The following DIS3L2 variants were observed in gnomAD, a reference collection of about 807,000 sequenced individuals.
DIS3L2 encodes DIS3 like 3'-5' exoribonuclease 2.
DIS3L2 carries 34 observed loss-of-function variants against 97.5 expected under a neutral mutation model. That is an observed-to-expected ratio of 0.35 (90% CI 0.27 to 0.46). The LOEUF is 0.46. Ranked by LOEUF, DIS3L2 falls within the 20% of genes least tolerant of loss-of-function variation. The pLI is 1.00. For missense variants in DIS3L2, 1,038 were observed against 1,146.0 expected (o/e 0.91, Z 1.36); for synonymous variants, 435 against 445.2 (o/e 0.98, Z 0.29).
chr2:232,048,282 G>A (rs911297209), intron 5 of DIS3L2, among the ~76,000 whole-genome samples: 7 of 152,090 alleles, frequency 4.6e-5, no homozygotes, highest in African/African-American at 1.2e-4. Flanking sequence ...TGTTGCTCCC[G>A]TTTCTTTTCA....
chr2:232,137,037 A>G (rs1045804576), intron 8 of DIS3L2, among the ~76,000 whole-genome samples: 6 of 152,200 alleles, frequency 3.9e-5, no homozygotes, highest in Non-Finnish European at 5.9e-5. Context: ...CATTGCATCA[A>G]ACAACCAGTC....
rs192387730 is a variant in DIS3L2 at position 232,010,283 on chromosome 2, A to C, written c.-93-4552A>C. ...TCCCCTGCCCCCTCCCTTTCTCTCTATCTTTCATCTCTGTGTGTCTCCCTG... is the reference window on the plus strand; with the variant it reads ...TCCCCTGCCCCCTCCCTTTCTCTCTCTCTTTCATCTCTGTGTGTCTCCCTG... On this transcript the variant is annotated intron_variant, in intron 1 of 20. Coordinates refer to ENST00000325385, the MANE Select transcript of DIS3L2 (RefSeq NM_152383.5). Among the ~76,000 whole-genome samples the C allele has an allele frequency of 3.4e-3, 511 of 151,204 alleles. 2 individuals carry two copies. The highest frequency in any genetic ancestry group is 6.8e-3 in the Admixed American group (104 of 15,200).
rs1696702132 is a variant in DIS3L2 at position 232,087,596 on chromosome 2, A to G, written c.476A>G (p.Asn159Ser). 6.2e-7 allele frequency: 1 copy of G among 1,614,042 alleles called. No homozygotes were observed. The highest frequency in any genetic ancestry group is 8.5e-7 in the Non-Finnish European group (1 of 1,180,034). The change falls in exon 6 of 21, where the codon AAT becomes AGT. Residue 159 changes from asparagine (N) to serine (S), a missense_variant. Physicochemically the swap from Asn to Ser is conservative, Grantham distance 46. Coordinates refer to ENST00000325385, the MANE Select transcript of DIS3L2 (RefSeq NM_152383.5). ...HLPQQSLKSYNDSPDVIVEAQ... is the reference protein window; with the variant it reads ...HLPQQSLKSYSDSPDVIVEAQ... The stretch of plus-strand genomic sequence containing the variant: ...CCGCAACAGTCCCTGAAAAGCTATA[A>G]TGACAGTCCTGATGTCATTGTAGAG...
chr2:232,240,277 G>T (rs1172389417), intron 11 of DIS3L2, among the ~76,000 whole-genome samples: 2 of 152,186 alleles, frequency 1.3e-5, no homozygotes, highest in Non-Finnish European at 2.9e-5. Context: ...TTGTACAGCC[G>T]ATTTCTTCAG....
chr2:232,258,064 C>G (rs1463773294), intron 12 of DIS3L2, among the ~76,000 whole-genome samples: 2 of 152,198 alleles, frequency 1.3e-5, no homozygotes, highest in Non-Finnish European at 2.9e-5. Flanking sequence ...TAAGAATACT[C>G]CGAGTGTTAG....
intron 5 of DIS3L2, among the ~76,000 whole-genome samples, chr2:232,080,315 G>A (rs1422872347): frequency 6.6e-6 from 1 of 152,120 alleles, no homozygotes; most frequent in Non-Finnish European, 1.5e-5. Context: ...TGTTTGAGAT[G>A]TCATCTGGGC....
chr2:232,276,849 C>T lies in DIS3L2; in HGVS notation c.1659+13409C>T, dbSNP rs1694155089. Among the ~76,000 whole-genome samples, 1 of 152,138 alleles carries T rather than the reference C, an allele frequency of 6.6e-6. No individual in the cohort carries two copies. Among genetic ancestry groups the T allele is most frequent in the Non-Finnish European group, 1.5e-5 (1 of 68,040 alleles). On this transcript the variant is annotated intron_variant, in intron 13 of 20. Coordinates refer to ENST00000325385, the MANE Select transcript of DIS3L2 (RefSeq NM_152383.5). The surrounding 1 kb of genome is among the most constrained non-coding windows in gnomAD (Gnocchi z 4.4). ...AATATTAGGTTAGATGAGATGTACC[C>T]GTAAAACACTTGGAACAGTGCCTGA...
chr2:232,229,883 AAAG>A (rs977563751), intron 10 of DIS3L2, among the ~76,000 whole-genome samples: 17 of 152,168 alleles, frequency 1.1e-4, no homozygotes, highest in African/African-American at 3.4e-4. Context: ...AAAGAGGAAA[AAAG>A]AAGAAGAAAA....
chr2:232,137,609 A>G (rs1559668339), intron 8 of DIS3L2, among the ~76,000 whole-genome samples: 1 of 152,218 alleles, frequency 6.6e-6, no homozygotes, highest in Non-Finnish European at 1.5e-5. Context: ...ATGGATGGCT[A>G]CAATGTGCTG....
At chr2:232,106,239 C>T (rs1038231032) in intron 6 of DIS3L2, among the ~76,000 whole-genome samples, 1 of 152,178 alleles carries the variant, frequency 6.6e-6, no homozygotes, top group Non-Finnish European at 1.5e-5. Context: ...TCGGGTCCTA[C>T]AAGATCATGT....
chr2:232,156,493 G>A lies in DIS3L2; in HGVS notation c.951-6966G>A, dbSNP rs182091160. ...GCTCCTTTTTTTCCTTTTAAATGTGGGTTTTTTTTTTAATAGAATGTTTGG... is the reference window on the plus strand; with the variant it reads ...GCTCCTTTTTTTCCTTTTAAATGTGAGTTTTTTTTTTAATAGAATGTTTGG... On this transcript the variant is annotated intron_variant, in intron 8 of 20. Coordinates refer to ENST00000325385, the MANE Select transcript of DIS3L2 (RefSeq NM_152383.5). 1.6e-3 allele frequency among the ~76,000 whole-genome samples: 234 copies of A among 150,696 alleles called. 4 individuals are homozygous for A. The highest frequency in any genetic ancestry group is 5.5e-3 in the African/African-American group (227 of 41,070).
rs1445925161 is a variant in DIS3L2 at position 232,299,897 on chromosome 2, C to T, written c.1660-143C>T. 5.7e-6 allele frequency: 4 copies of T among 701,658 alleles called. No homozygotes were observed. The African/African-American group carries it at 7.1e-5, about 13-fold the overall frequency. 43.5% of individuals were successfully genotyped at this position (701,658 alleles called of 1,614,324 possible). ...GGTCCTTGTAAGGTGTGGGCTCTTC[C>T]CAGAGTGGGCAGGCCCAGGTTCTCC... On this transcript the variant is annotated intron_variant, in intron 13 of 20. Transcript: ENST00000325385.
intron 9 of DIS3L2, among the ~76,000 whole-genome samples, chr2:232,209,528 C>T (rs570937097): frequency 4.6e-5 from 7 of 152,230 alleles, no homozygotes; most frequent in South Asian, 4.1e-4. Flanking sequence ...CAGTGAGCAC[C>T]GACTAGAGTG....
rs1553606035 is a variant in DIS3L2, at chr2:232,086,659, A to ATATATATATGTATATATATATATATGTG, written c.367-827_367-826insATATATATGTATATATATATATATGTGT. Among the ~76,000 whole-genome samples, 16 of 92,508 alleles carry ATATATATATGTATATATATATATATGTG rather than the reference A, an allele frequency of 1.7e-4. 1 individual carries two copies. The highest frequency in any genetic ancestry group is 6.6e-4 in the African/African-American group (15 of 22,766). The allele number at this position is 92,508 out of a possible 152,430, so 60.7% of individuals were successfully genotyped here. A position where few individuals can be genotyped will look rare whatever the true frequency, so the allele number is the denominator to read the frequency against. On this transcript the variant is annotated intron_variant, in intron 5 of 20. Coordinates refer to ENST00000325385, the MANE Select transcript of DIS3L2 (RefSeq NM_152383.5). ...TATATATATATGTATATATATATATATGTGTGTGTGTGTGTGTGTATATAT... is the reference window on the plus strand; with the variant it reads ...TATATATATATGTATATATATATATATATATATATGTATATATATATATATGTGTGTGTGTGTGTGTGTGTGTATATAT...
chr2:232,033,849 G>T (rs776960204), intron 5 of DIS3L2, among the ~76,000 whole-genome samples: 10 of 152,278 alleles, frequency 6.6e-5, no homozygotes, highest in Non-Finnish European at 1.3e-4. Flanking sequence ...GCTTTTTGAT[G>T]TGCTGCTGGA....
At chr2:232,328,901 C>T (rs1462627443) in intron 14 of DIS3L2, 1 of 152,284 alleles carries the variant, frequency 6.6e-6, no homozygotes, top group Non-Finnish European at 1.5e-5. Context: ...CCTCCTGCCC[C>T]AGATTTGGTG....
At chr2:232,299,636 T>G (rs1056920275) in intron 13 of DIS3L2, among the ~76,000 whole-genome samples, 3 of 152,212 alleles carry the variant, frequency 2.0e-5, no homozygotes, top group Non-Finnish European at 2.9e-5. Flanking sequence ...TTTTCTTGCT[T>G]CAGAGAGCCT....
intron 13 of DIS3L2, among the ~76,000 whole-genome samples, chr2:232,274,080 G>A (rs1694077367): frequency 2.0e-5 from 3 of 152,142 alleles, no homozygotes; most frequent in Admixed American, 2.0e-4. Flanking sequence ...GTGCCCAGAT[G>A]ACTCAAACCT....
At position 232,330,594 on chromosome 2, in the gene DIS3L2, C is replaced by G. The variant is rs531142500; in HGVS notation, c.1924-96C>G. 25 of 1,329,124 alleles carry G rather than the reference C, an allele frequency of 1.9e-5. No homozygotes were observed. The East Asian group carries it at 2.3e-4, about 12-fold the overall frequency. 82.3% of individuals were successfully genotyped at this position (1,329,124 alleles called of 1,614,324 possible). A position where few individuals can be genotyped will look rare whatever the true frequency, so the allele number is the denominator to read the frequency against. Reference sequence around the variant, plus strand: ...GAGCCCCACAGGCAACTCCTCCCCCCAGAGCCGGGCATGAGGTGCTCAGCG... The same window carrying G: ...GAGCCCCACAGGCAACTCCTCCCCCGAGAGCCGGGCATGAGGTGCTCAGCG... On this transcript the variant is annotated intron_variant, in intron 15 of 20. Coordinates refer to ENST00000325385, the MANE Select transcript of DIS3L2 (RefSeq NM_152383.5).
Sources: allele counts gnomAD v4.1 joint callset (sites outside exome capture counted in the v4.1 genomes callset), GRCh38; gene constraint gnomAD v4.1.1; non-coding constraint Gnocchi (gnomAD v3.1); transcripts MANE v1.5; gene names NCBI Gene and HGNC (gene_info 2026-07-23, HGNC 2026-07-21).